The following TAFA2 variants were observed in gnomAD, a reference collection of about 807,000 sequenced individuals.
The protein encoded by TAFA2 is TAFA chemokine like family member 2.
TAFA2 carries 7 observed loss-of-function variants against 18.8 expected under a neutral mutation model. The observed-to-expected ratio is 0.37, with a 90% CI of 0.21 to 0.70. The LOEUF is 0.70. TAFA2 is among the 30% of genes least tolerant of loss of function. The pLI is 0.53. For missense variants in TAFA2, 122 were observed against 158.1 expected, an observed-to-expected ratio of 0.77 and a Z score of 1.23; for synonymous variants, 60 against 54.2, an observed-to-expected ratio of 1.11 and a Z score of -0.47.
chr12:61,959,879 T>C (rs2136652252), intron 1 of TAFA2, among the ~76,000 whole-genome samples: 1 of 152,158 alleles, frequency 6.6e-6, no homozygotes, highest in Non-Finnish European at 1.5e-5. Flanking sequence ...TTTTATTTTT[T>C]TAGAGAGGGG....
At chr12:62,205,013 G>A (rs1206721128) in intron 1 of TAFA2, among the ~76,000 whole-genome samples, 6 of 152,068 alleles carry the variant, frequency 3.9e-5, no homozygotes, top group Admixed American at 3.9e-4. Context: ...GTTTTTATGG[G>A]GACATTTTGT....
intron 1 of TAFA2, among the ~76,000 whole-genome samples, chr12:62,000,369 G>T (rs1342895250): frequency 6.8e-6 from 1 of 146,178 alleles, no homozygotes; most frequent in Non-Finnish European, 1.5e-5. Flanking sequence ...ATACGGCCAT[G>T]GTAGCTGTGA....
At chr12:61,889,720 C>G (rs1057138335) in intron 1 of TAFA2, among the ~76,000 whole-genome samples, 1 of 152,168 alleles carries the variant, frequency 6.6e-6, no homozygotes, top group Non-Finnish European at 1.5e-5. Context: ...ATTGCGCCAA[C>G]CGCTATGTTG....
At chr12:62,190,204 C>A (rs1310910214) in intron 1 of TAFA2, among the ~76,000 whole-genome samples, 1 of 152,224 alleles carries the variant, frequency 6.6e-6, no homozygotes, top group Middle Eastern at 3.4e-3. Flanking sequence ...GTGGAATACT[C>A]AATAGGGAAG....
At chr12:62,167,971 C>T (rs1263419432) in intron 1 of TAFA2, among the ~76,000 whole-genome samples, 1 of 152,120 alleles carries the variant, frequency 6.6e-6, no homozygotes, top group Non-Finnish European at 1.5e-5. Context: ...TGGCTAAATT[C>T]TATAAATTCA....
chr12:61,831,474 CAA>C (rs1011716598), intron 2 of TAFA2, among the ~76,000 whole-genome samples: 36 of 152,168 alleles, frequency 2.4e-4, no homozygotes, highest in Non-Finnish European at 4.9e-4. Flanking sequence ...GAAGCAGAGA[CAA>C]AGGGCCCTGA....
intron 1 of TAFA2, among the ~76,000 whole-genome samples, chr12:62,233,064 C>CTTTTTTTTTTTTTTTTTTTTTTT (rs1565784732): frequency 1.3e-5 from 1 of 78,340 alleles, no homozygotes; most frequent in African/African-American, 5.5e-5. Context: ...ATTTCTGCAT[C>CTTTTTTTTTTTTTTTTTTTTTTT]TCTTTTTTTT....
intron 1 of TAFA2, among the ~76,000 whole-genome samples, chr12:61,921,218 G>C (rs1056296698): frequency 5.3e-5 from 8 of 152,198 alleles, no homozygotes; most frequent in Admixed American, 3.9e-4. Flanking sequence ...CATCCTGCCA[G>C]GTACATTGAG....
chr12:61,816,021 A>G lies in TAFA2; in HGVS notation c.106+51299T>C, dbSNP rs183723145. 1.1e-3 allele frequency among the ~76,000 whole-genome samples: 173 copies of G among 151,420 alleles called. 1 individual carries two copies. Among genetic ancestry groups the G allele is most frequent in the South Asian group, 2.7e-3 (13 of 4,822 alleles). On this transcript the variant is annotated intron_variant, in intron 2 of 4. Transcript: ENST00000416284. ...TGTGGGTCTCAGAGCTATTTTATTA[A>G]TTTTATTTTTAAACTTTTAGGCTTG...
At chr12:62,241,461 G>A (rs773767636) in intron 1 of TAFA2, among the ~76,000 whole-genome samples, 9 of 152,194 alleles carry the variant, frequency 5.9e-5, no homozygotes, top group Non-Finnish European at 7.3e-5. Flanking sequence ...GACTCAGGCA[G>A]TCTGAATTTA....
intron 1 of TAFA2, among the ~76,000 whole-genome samples, chr12:62,228,193 C>T (rs2062796212): frequency 6.6e-6 from 1 of 152,126 alleles, no homozygotes; most frequent in Admixed American, 6.6e-5. Context: ...CCTCCCTCCC[C>T]ACACTTGGAA....
intron 1 of TAFA2, among the ~76,000 whole-genome samples, chr12:62,011,751 TAA>T (rs202026493): frequency 2.9e-5 from 3 of 102,884 alleles, no homozygotes; most frequent in Admixed American, 8.9e-5. Flanking sequence ...CAATAAATAC[TAA>T]AAAAAAAAAA....
At chr12:61,804,715 A>G (rs1055494417) in intron 2 of TAFA2, among the ~76,000 whole-genome samples, 37 of 152,166 alleles carry the variant, frequency 2.4e-4, no homozygotes, top group Non-Finnish European at 4.7e-4. Flanking sequence ...TCTGGCTCCC[A>G]TTATTTTAAG....
At chr12:61,789,483 C>T (rs1443433801) in intron 2 of TAFA2, among the ~76,000 whole-genome samples, 2 of 151,788 alleles carry the variant, frequency 1.3e-5, no homozygotes, top group Admixed American at 6.6e-5. Context: ...TAAGTGGGAG[C>T]TGAGCAATGA....
intron 1 of TAFA2, among the ~76,000 whole-genome samples, chr12:61,873,352 C>A (rs1310908184): frequency 6.6e-6 from 1 of 151,340 alleles, no homozygotes; most frequent in Non-Finnish European, 1.5e-5. Flanking sequence ...GCACAATGTG[C>A]AGGTTAGTTA....
chr12:61,834,937 T>A (rs943925045), intron 2 of TAFA2, among the ~76,000 whole-genome samples: 45 of 152,006 alleles, frequency 3.0e-4, no homozygotes, highest in African/African-American at 1.1e-3. Context: ...TCAAACTTAA[T>A]TCTTGGAACA....
chr12:61,849,686 A>T (rs1399868291), intron 2 of TAFA2, among the ~76,000 whole-genome samples: 1 of 152,224 alleles, frequency 6.6e-6, no homozygotes, highest in Non-Finnish European at 1.5e-5. Context: ...TAGTGACTTG[A>T]TAAGGAAGGC....
intron 4 of TAFA2, among the ~76,000 whole-genome samples, chr12:61,716,026 G>A (rs1168583494): frequency 1.3e-5 from 2 of 152,198 alleles, no homozygotes; most frequent in Admixed American, 6.5e-5. Context: ...GATTTACTGG[G>A]TAAAACAGAA....
At chr12:62,039,815 T>C (rs1881710565) in intron 1 of TAFA2, among the ~76,000 whole-genome samples, 1 of 152,152 alleles carries the variant, frequency 6.6e-6, no homozygotes. Context: ...GCAGCATGCA[T>C]ACGATTCACC....
Sources: allele counts gnomAD v4.1 joint callset (sites outside exome capture counted in the v4.1 genomes callset), GRCh38; gene constraint gnomAD v4.1.1; transcripts MANE v1.5; gene names NCBI Gene and HGNC (gene_info 2026-07-23, HGNC 2026-07-21).